CERCAM: variants seen among roughly 807,000 people sequenced by gnomAD.
CERCAM encodes cerebral endothelial cell adhesion molecule.
In CERCAM, 59 loss-of-function variants were observed where a neutral mutation model predicts 66.0. That is an observed-to-expected ratio of 0.89 (90% confidence interval 0.73 to 1.11). The LOEUF (loss-of-function observed/expected upper bound fraction) is 1.11. CERCAM is among the 50% of genes most tolerant of loss of function. CERCAM has a pLI of 0.00. For synonymous variants in CERCAM, 318 were observed against 343.6 expected (o/e 0.93, Z 0.83); for missense variants, 840 against 828.3 (o/e 1.01, Z -0.17).
chr9:128,424,696 C>T (rs1833799192), intron 5 of CERCAM, 82 bp downstream of exon 5: 1 of 1,260,318 alleles, frequency 7.9e-7, no homozygotes, highest in Admixed American at 1.7e-5. Flanking sequence ...CCATGCCCTT[C>T]CCTACTCTGC....
chr9:128,434,708 G>A lies in CERCAM; in HGVS notation c.1535+95G>A. 2 of 1,281,908 alleles carry A rather than the reference G, an allele frequency of 1.6e-6. No individual in the cohort carries two copies. The highest frequency in any genetic ancestry group is 1.4e-5 in the South Asian group (1 of 72,746). The allele number at this position is 1,281,908 out of a possible 1,614,324, so 79.4% of individuals were successfully genotyped here. On this transcript the variant is annotated intron_variant, in intron 11 of 12. Transcript: ENST00000372838. This position sits in a 1 kb window ranked among gnomAD's most constrained non-coding sequence, Gnocchi z 4.5. Reference sequence around the variant, plus strand: ...AGGAAGTCCCCTCACCTGGCAGATGGGGAGACTGGGACTGGCAAGGCCAAG... The same window carrying A: ...AGGAAGTCCCCTCACCTGGCAGATGAGGAGACTGGGACTGGCAAGGCCAAG...
intron 2 of CERCAM, 21 bp downstream of exon 2, chr9:128,422,999 G>T: frequency 6.2e-7 from 1 of 1,613,524 alleles, no homozygotes; most frequent in Non-Finnish European, 8.5e-7. Context: ...GAGGGGAAGG[G>T]TGCTGGGGAA....
chr9:128,428,462 C>G, intron 6 of CERCAM, 41 bp downstream of exon 6: 1 of 1,608,466 alleles, frequency 6.2e-7, no homozygotes, highest in Non-Finnish European at 8.5e-7. Context: ...GCTGCCGGGG[C>G]TCCCTGCCTC....
chr9:128,433,051 G>A (rs887389333), intron 9 of CERCAM, among the ~76,000 whole-genome samples: 11 of 152,074 alleles, frequency 7.2e-5, no homozygotes, highest in East Asian at 5.8e-4. Context: ...AGGCCGAGGC[G>A]GGTGGATCAC....
intron 5 of CERCAM, among the ~76,000 whole-genome samples, chr9:128,424,908 G>A (rs1833806010): frequency 6.6e-6 from 1 of 151,336 alleles, no homozygotes; most frequent in South Asian, 2.1e-4. Context: ...TTTTAGTAGA[G>A]ACGGGGTTTT....
At chr9:128,419,355 T>A (rs1833658702), upstream of CERCAM, 1 of 152,286 alleles carries the variant, frequency 6.6e-6, no homozygotes, top group Admixed American at 6.5e-5. Flanking sequence ...CTCCCCTCCC[T>A]GACCCTGGGA....
At chr9:128,421,604 A>G (rs1293956429) in intron 1 of CERCAM, 2 of 861,976 alleles carry the variant, frequency 2.3e-6, no homozygotes, top group Admixed American at 6.2e-5. Flanking sequence ...CTCTCTTGGT[A>G]GATCTTGGTA....
At chr9:128,420,579 C>T, upstream of CERCAM, 1 of 186,002 alleles carries the variant, frequency 5.4e-6, no homozygotes, top group Non-Finnish European at 1.1e-5. This position sits in a 1 kb window ranked among gnomAD's most constrained non-coding sequence, Gnocchi z 5.0. Context: ...TCCTAGCACC[C>T]CTCCCCTGTC....
rs1834104435 is a variant in CERCAM, at chr9:128,435,964, G to A, written c.*59G>A. On this transcript the variant is annotated intron_variant, in intron 12 of 12. Transcript: ENST00000372838. ...TAGACCTTGGCTTGCTCTCCCCTTT[G>A]ATGGCATAACTGTGTCTGGGGCTGT... 8 of 1,512,010 alleles carry A rather than the reference G, an allele frequency of 5.3e-6. No individual in the cohort carries two copies. The East Asian group carries it at 1.6e-4, about 31-fold the overall frequency. The allele number at this position is 1,512,010 out of a possible 1,614,324, so 93.7% of individuals were successfully genotyped here.
Position 128,435,994 on chromosome 9 carries a change from C to T in CERCAM, c.*89C>T. 3 of 1,318,694 alleles carry T rather than the reference C, an allele frequency of 2.3e-6. No homozygotes were observed. The South Asian group carries it at 4.5e-5, about 20-fold the overall frequency. The allele number at this position is 1,318,694 out of a possible 1,614,324, so 81.7% of individuals were successfully genotyped here. On this transcript the variant is annotated intron_variant, in intron 12 of 12. Transcript: ENST00000372838. ...CATAACTGTGTCTGGGGCTGTTTTC[C>T]CCTTCTCAGCCTTCTCTCTCCCTCT...
intron 6 of CERCAM, 92 bp downstream of exon 6, chr9:128,428,513 A>G: frequency 6.7e-7 from 1 of 1,490,642 alleles, no homozygotes; most frequent in East Asian, 2.4e-5. Flanking sequence ...CGGAGCGGGC[A>G]TTGGCCTTGG....
rs763905868 is a variant in CERCAM at position 128,435,770 on chromosome 9, A to T, written c.1653A>T (p.Thr551=). 30 of 1,613,216 alleles carry T rather than the reference A, an allele frequency of 1.9e-5. No individual in the cohort carries two copies. The South Asian group carries it at 3.3e-4, about 18-fold the overall frequency. Residue 551 remains threonine, a synonymous_variant, in exon 12 of 13, where the codon ACA becomes ACT. Transcript: ENST00000372838. Reference sequence around the variant, plus strand: ...CCGAGTGGCTCAGTGACACGGAGACATCCTCTCCATGGGATGATGACAGCG... The same window carrying T: ...CCGAGTGGCTCAGTGACACGGAGACTTCCTCTCCATGGGATGATGACAGCG... ...GDAEWLSDTE[T]SSPWDDDSGR...
chr9:128,424,260 G>T lies in CERCAM; in HGVS notation c.549G>T (p.Gly183=). ...SQTYYSNFWC[G]ITPQGYYRRT... is the part of the protein sequence containing the mutation. ...CCTACTACTCCAACTTCTGGTGTGG[G>T]ATCACCCCCCAGGTGAGGCCGGGAT... Residue 183 remains glycine, a synonymous_variant, in exon 4 of 13, where the codon GGG becomes GGT. Transcript: ENST00000372838. 6.2e-7 allele frequency: 1 copy of T among 1,614,122 alleles called. No homozygotes were observed. Among genetic ancestry groups the T allele is most frequent in the Non-Finnish European group, 8.5e-7 (1 of 1,180,002 alleles).
intron 6 of CERCAM, 107 bp downstream of exon 6, chr9:128,428,528 C>T: frequency 1.5e-6 from 2 of 1,378,800 alleles, no homozygotes; most frequent in Non-Finnish European, 2.0e-6. Flanking sequence ...CCTTGGGGTT[C>T]CAGCTTTGTC....
At chr9:128,425,665 C>T (rs1289818801) in intron 5 of CERCAM, among the ~76,000 whole-genome samples, 2 of 151,948 alleles carry the variant, frequency 1.3e-5, no homozygotes, top group African/African-American at 4.8e-5. Context: ...GCATGCACTG[C>T]CACGCCTGGG....
In CERCAM at chr9:128,429,017, G is replaced by A; in HGVS notation, c.1051G>A (p.Val351Met). Residue 351 changes from valine to methionine, a missense_variant, in exon 8 of 13, where the codon GTG becomes ATG. By Grantham distance (21) the Val-to-Met change is conservative. Transcript: ENST00000372838. ...GGAGATGGAGATCTCTGGGAGGGTG[G>A]TGGACGCTGTGGATGGCTGGTGAGC... ...LWEMEISGRV[V>M]DAVDGWMLNS... 6.2e-7 allele frequency: 1 copy of A among 1,607,468 alleles called. No homozygotes were observed. Among genetic ancestry groups the A allele is most frequent in the South Asian group, 1.1e-5 (1 of 90,178 alleles).
Position 128,428,755 on chromosome 9 carries a change from A to G in CERCAM, c.887-2A>G. ...GTGCTTGGGGTGTGCTTCCCTTTGC[A>G]GTGGACGGCCCCCGCATGCAGGCCT... On this transcript the variant is annotated splice_acceptor_variant, in intron 6 of 12. Coordinates refer to ENST00000372838, the MANE Select transcript of CERCAM (RefSeq NM_016174.5). LOFTEE classifies it high-confidence loss of function. 1 of 1,613,868 alleles carries G rather than the reference A, an allele frequency of 6.2e-7. No homozygotes were observed. Among genetic ancestry groups the G allele is most frequent in the African/African-American group, 1.3e-5 (1 of 74,982 alleles).
upstream of CERCAM, chr9:128,420,747 T>C (rs1833687161): frequency 3.5e-6 from 1 of 287,152 alleles, no homozygotes; most frequent in African/African-American, 2.2e-5. This position sits in a 1 kb window ranked among gnomAD's most constrained non-coding sequence, Gnocchi z 5.0. Flanking sequence ...GGGAGCAGGA[T>C]CCCACTCTGA....
upstream of CERCAM, chr9:128,419,322 GGA>G (rs1833658169): frequency 6.6e-6 from 1 of 152,332 alleles, no homozygotes; most frequent in Non-Finnish European, 1.5e-5. Flanking sequence ...CCCTTGCAGT[GGA>G]GATAGTGTGC....
Sources: allele counts gnomAD v4.1 joint callset (sites outside exome capture counted in the v4.1 genomes callset), GRCh38; gene constraint gnomAD v4.1.1; non-coding constraint Gnocchi (gnomAD v3.1); transcripts MANE v1.5; gene names NCBI Gene and HGNC (gene_info 2026-07-23, HGNC 2026-07-21).